The following CASP8 variants were observed in gnomAD, a reference collection of about 807,000 sequenced individuals.
CASP8 encodes caspase 8, also known as caspase-8.
A neutral mutation model predicts 46.3 loss-of-function variants in CASP8; 24 were observed. The observed-to-expected ratio is 0.52, with a 90% CI of 0.38 to 0.73. The LOEUF is 0.73. CASP8 is among the 30% of genes least tolerant of loss of function. The probability of loss-of-function intolerance (pLI) is 0.00; values close to 1 mark genes in which losing one functional copy is unlikely to be tolerated. For missense variants in CASP8, 460 were observed against 559.0 expected, an observed-to-expected ratio of 0.82 and a Z score of 1.79; for synonymous variants, 188 against 200.4, an observed-to-expected ratio of 0.94 and a Z score of 0.52.
At chr2:201,268,783 C>T (rs1948010252) in intron 2 of CASP8, among the ~76,000 whole-genome samples, 1 of 152,086 alleles carries the variant, frequency 6.6e-6, no homozygotes, top group South Asian at 2.1e-4. Flanking sequence ...CCTCAGTGCT[C>T]CTTGTCTTGT....
intron 5 of CASP8, among the ~76,000 whole-genome samples, chr2:201,273,851 G>A (rs1948456940): frequency 6.6e-6 from 1 of 151,666 alleles, no homozygotes; most frequent in Non-Finnish European, 1.5e-5. Context: ...ATTTTTGTAT[G>A]TCTTGTAGAG....
rs1365446778 is a variant in CASP8, at chr2:201,286,645, T to G, written c.*51T>G. 3.3e-6 allele frequency: 5 copies of G among 1,509,224 alleles called. No homozygotes were observed. The African/African-American group carries it at 5.5e-5, about 17-fold the overall frequency. 93.5% of individuals were successfully genotyped at this position (1,509,224 alleles called of 1,614,324 possible). ...TGTTTTGTTTTTTTGAGACAGAATC[T>G]CGCTCTGTCGCCCAGGCTGGAGTGC... On this transcript the variant is annotated 3_prime_UTR_variant, in exon 9 of 9. Transcript: ENST00000673742.
chr2:201,281,366 A>G (rs1167883521), intron 7 of CASP8, among the ~76,000 whole-genome samples: 1 of 152,222 alleles, frequency 6.6e-6, no homozygotes, highest in African/African-American at 2.4e-5. Flanking sequence ...AAACTTGTAA[A>G]TAATTGAGTA....
Position 201,285,255 on chromosome 2 carries a change from C to A in CASP8, c.1242C>A (p.Asn414Lys), listed in dbSNP as rs751664523. Residue 414 changes from asparagine to lysine, a missense_variant, in exon 8 of 9, where the codon AAC (asparagine) becomes AAA (lysine). Transcript: ENST00000673742. ...ATVNNCVSYR[N>K]PAEGTWYIQS... ...TGAATAACTGTGTTTCCTACCGAAA[C>A]CCTGCAGAGGGAACCTGGTACATCC... The A allele has an allele frequency of 3.7e-6, 6 of 1,614,144 alleles. No individual in the cohort carries two copies. The highest frequency in any genetic ancestry group is 3.3e-5 in the South Asian group (3 of 91,072).
intron 2 of CASP8, among the ~76,000 whole-genome samples, chr2:201,234,456 A>T (rs1319282397): frequency 4.7e-5 from 7 of 147,526 alleles, no homozygotes; most frequent in Non-Finnish European, 7.5e-5. Flanking sequence ...ATTCTTTTTT[A>T]TTTTTTTTTT....
rs1559375652 is a variant in CASP8, at chr2:201,285,245, C to G, written c.1232C>G (p.Ser411Cys). ...ATGGCCACTGTGAATAACTGTGTTTCCTACCGAAACCCTGCAGAGGGAACC... is the reference window on the plus strand; with the variant it reads ...ATGGCCACTGTGAATAACTGTGTTTGCTACCGAAACCCTGCAGAGGGAACC... Reference protein sequence around the residue: ...LGMATVNNCVSYRNPAEGTWY... With the variant: ...LGMATVNNCVCYRNPAEGTWY... The change falls in exon 8 of 9, where the codon TCC (serine) becomes TGC (cysteine). Residue 411 changes from serine to cysteine, a missense_variant. Coordinates refer to ENST00000673742, the MANE Select transcript of CASP8 (RefSeq NM_001372051.1). 1 of 1,614,174 alleles carries G rather than the reference C, an allele frequency of 6.2e-7. No individual in the cohort carries two copies. Among genetic ancestry groups the G allele is most frequent in the Non-Finnish European group, 8.5e-7 (1 of 1,180,026 alleles).
intron 7 of CASP8, among the ~76,000 whole-genome samples, chr2:201,281,377 A>G (rs1948997657): frequency 6.6e-6 from 1 of 152,202 alleles, no homozygotes; most frequent in Non-Finnish European, 1.5e-5. Context: ...TAATTGAGTA[A>G]GAGCCCAAAT....
chr2:201,244,702 C>T (rs1423726801), intron 2 of CASP8, among the ~76,000 whole-genome samples: 1 of 152,124 alleles, frequency 6.6e-6, no homozygotes, highest in Non-Finnish European at 1.5e-5. Context: ...GCAAAAAAAT[C>T]CATGCTCAGC....
intron 2 of CASP8, among the ~76,000 whole-genome samples, chr2:201,269,890 C>CT (rs1368381897): frequency 5.3e-5 from 8 of 152,042 alleles, no homozygotes; most frequent in African/African-American, 1.9e-4. Flanking sequence ...GGGTAAATAC[C>CT]TTGTAATAAA....
At chr2:201,259,474 C>T (rs1308831938), upstream of CASP8, among the ~76,000 whole-genome samples, 2 of 152,174 alleles carry the variant, frequency 1.3e-5, no homozygotes, top group Non-Finnish European at 2.9e-5. Flanking sequence ...CGGTGGCCAT[C>T]CAGGCATTGA....
chr2:201,257,239 T>C (rs1947063352), upstream of CASP8, among the ~76,000 whole-genome samples: 1 of 149,384 alleles, frequency 6.7e-6, no homozygotes, highest in South Asian at 2.1e-4. Flanking sequence ...CCCAGCACTT[T>C]GGGAGGCCAA....
At chr2:201,275,181 G>A (rs576551841) in intron 6 of CASP8, among the ~76,000 whole-genome samples, 26 of 152,172 alleles carry the variant, frequency 1.7e-4, no homozygotes, top group Admixed American at 8.5e-4. Context: ...TTTAAGACCC[G>A]AGATGAAGAT....
intron 7 of CASP8, among the ~76,000 whole-genome samples, chr2:201,282,243 A>G (rs1949099303): frequency 2.1e-5 from 1 of 46,626 alleles, no homozygotes; most frequent in East Asian, 4.7e-4. Context: ...CAGAGAGCAC[A>G]GGGTTGGGGA....
In CASP8 at chr2:201,266,872, G is replaced by C; in HGVS notation, c.305+81G>C. ...TGAGCTGATTGGGGCTTTTTTTTGT[G>C]GTACCCTGCCTAGTGCCTGGGAACC... On this transcript the variant is annotated intron_variant, in intron 2 of 8. Coordinates refer to ENST00000673742, the MANE Select transcript of CASP8 (RefSeq NM_001372051.1). The surrounding 1 kb of genome is among the most constrained non-coding windows in gnomAD (Gnocchi z 5.7). 1 of 1,035,630 alleles carries C rather than the reference G, an allele frequency of 9.7e-7. No homozygotes were observed. Among genetic ancestry groups the C allele is most frequent in the South Asian group, 1.6e-5 (1 of 63,522 alleles). 64.2% of individuals were successfully genotyped at this position (1,035,630 alleles called of 1,614,324 possible). A position where few individuals can be genotyped will look rare whatever the true frequency, so the allele number is the denominator to read the frequency against.
intron 2 of CASP8, among the ~76,000 whole-genome samples, chr2:201,239,685 T>A (rs1946220102): frequency 6.6e-6 from 1 of 152,184 alleles, no homozygotes; most frequent in Admixed American, 6.5e-5. Context: ...TCCTTCCTCT[T>A]CAGTTTGGCA....
intron 2 of CASP8, chr2:201,242,546 C>G (rs1946346017): frequency 6.6e-6 from 1 of 152,180 alleles, no homozygotes; most frequent in Non-Finnish European, 1.5e-5. Context: ...TCTCCAAATA[C>G]CAACACATAG....
chr2:201,248,922 T>A (rs1350727771), intron 2 of CASP8, among the ~76,000 whole-genome samples: 1 of 152,162 alleles, frequency 6.6e-6, no homozygotes, highest in Non-Finnish European at 1.5e-5. Flanking sequence ...GAGAGAGTCT[T>A]ACTCTGTTGC....
At chr2:201,278,916 A>T (rs1231302871) in intron 7 of CASP8, among the ~76,000 whole-genome samples, 1 of 152,228 alleles carries the variant, frequency 6.6e-6, no homozygotes, top group Non-Finnish European at 1.5e-5. Flanking sequence ...AAAAAGGAAT[A>T]ATCCAACAAG....
At chr2:201,254,081 C>A (rs373390730) in intron 2 of CASP8, among the ~76,000 whole-genome samples, 85 of 134,762 alleles carry the variant, frequency 6.3e-4, no homozygotes, top group Admixed American at 9.9e-4. Flanking sequence ...AACTCCATCT[C>A]AAAAAAAAAA....
Sources: allele counts gnomAD v4.1 joint callset (sites outside exome capture counted in the v4.1 genomes callset), GRCh38; gene constraint gnomAD v4.1.1; non-coding constraint Gnocchi (gnomAD v3.1); transcripts MANE v1.5; gene names NCBI Gene and HGNC (gene_info 2026-07-23, HGNC 2026-07-21).